LRP1: variants seen among roughly 807,000 people sequenced by gnomAD.
LRP1 encodes the protein prolow-density lipoprotein receptor-related protein 1.
Under a neutral mutation model 541.5 loss-of-function variants are expected in LRP1, and 51 were observed. That is an observed-to-expected ratio of 0.09 (90% CI 0.08 to 0.12). The LOEUF (loss-of-function observed/expected upper bound fraction) is 0.12. Among genes scored for constraint, LRP1 ranks in the 10% least tolerant of loss-of-function variants. The pLI, the probability that LRP1 is intolerant of heterozygous loss-of-function variation, is 1.00. For missense variants in LRP1, 3,878 were observed against 6,376.2 expected (o/e 0.61, Z 13.34); for synonymous variants, 2,219 against 2,470.8 (o/e 0.90, Z 3.02).
rs143015940 is a variant in LRP1, at chr12:57,138,514, C to T, written c.123C>T (p.Ile41=). ...QFACRDQITC[I]SKGWRCDGER... The stretch of plus-strand genomic sequence containing the variant: ...CCTGCAGAGATCAAATAACCTGTAT[C>T]TCAAAGGGCTGGCGGTGCGACGGTG... Residue 41 remains isoleucine (I), a synonymous_variant, in exon 2 of 89, where the codon ATC becomes ATT. Transcript: ENST00000243077. 4.8e-5 allele frequency: 77 copies of T among 1,613,974 alleles called. No homozygotes were observed. The African/African-American group carries it at 8.4e-4, about 18-fold the overall frequency.
chr12:57,149,693 G>A (rs920547874), intron 6 of LRP1: 1 of 735,668 alleles, frequency 1.4e-6, no homozygotes, highest in South Asian at 1.4e-5. Context: ...GGAGCAGGAA[G>A]AGAGCCCAGG....
In LRP1 at chr12:57,145,375, A is replaced by T. The variant is rs759749656; in HGVS notation, c.726A>T (p.Val242=). The part of the protein sequence containing the change: ...AMDFSYANET[V]CWVHVGDSAA... Reference sequence around the variant, plus strand: ...ACTTCAGCTATGCCAACGAGACCGTATGCTGGGTGCATGTTGGGGACAGTG... The same window carrying T: ...ACTTCAGCTATGCCAACGAGACCGTTTGCTGGGTGCATGTTGGGGACAGTG... Residue 242 remains valine, a synonymous_variant, in exon 6 of 89, where the codon GTA becomes GTT. Transcript: ENST00000243077. 9 of 1,614,168 alleles carry T rather than the reference A, an allele frequency of 5.6e-6. No homozygotes were observed. The highest frequency in any genetic ancestry group is 7.6e-6 in the Non-Finnish European group (9 of 1,180,022).
At chr12:57,169,026 G>C in intron 19 of LRP1, 114 bp from the exon 20 acceptor site, 1 of 825,320 alleles carries the variant, frequency 1.2e-6, no homozygotes, top group Non-Finnish European at 2.0e-6. Flanking sequence ...TTCCCAGTGG[G>C]GGGGTTAGGG....
chr12:57,171,718 G>A (rs905220009), intron 20 of LRP1, among the ~76,000 whole-genome samples: 3 of 152,084 alleles, frequency 2.0e-5, no homozygotes, highest in Admixed American at 6.6e-5. Flanking sequence ...TGAAAGTCCC[G>A]GCATGAGATG....
intron 4 of LRP1, chr12:57,144,763 T>G: frequency 1.7e-6 from 1 of 587,050 alleles, no homozygotes; most frequent in Non-Finnish European, 3.0e-6. Flanking sequence ...CGTGGATGAG[T>G]GATATGTACA....
At chr12:57,167,939 G>A (rs1259918387) in intron 19 of LRP1, among the ~76,000 whole-genome samples, 1 of 152,220 alleles carries the variant, frequency 6.6e-6, no homozygotes, top group Non-Finnish European at 1.5e-5. Context: ...CTGGCAGATA[G>A]CCATGGACCA....
At chr12:57,149,508 G>A in intron 6 of LRP1, 3 of 621,762 alleles carry the variant, frequency 4.8e-6, no homozygotes, top group South Asian at 1.9e-5. Flanking sequence ...AGTAACTTAA[G>A]CAAGAGAGAT....
chr12:57,209,834 C>T lies in LRP1; in HGVS notation c.12405C>T (p.Asp4135=), dbSNP rs200440566. The T allele has an allele frequency of 1.0e-4, 166 of 1,614,176 alleles. 2 individuals are homozygous for T. Among genetic ancestry groups the T allele is most frequent in the East Asian group, 8.9e-4 (40 of 44,874 alleles). Residue 4135 remains aspartate, a synonymous_variant, in exon 80 of 89, where the codon GAC becomes GAT. Transcript: ENST00000243077. The stretch of plus-strand genomic sequence containing the variant: ...CAGGGGGCCTGAGCCACGCCTCTGA[C>T]GTGGTCCTTTACCATCAGCACAAGC... ...NLTGGLSHAS[D]VVLYHQHKQP...
Position 57,178,293 on chromosome 12 carries a change from C to A in LRP1, c.4362-66C>A, listed in dbSNP as rs900143924. On this transcript the variant is annotated intron_variant, in intron 26 of 88. Coordinates refer to ENST00000243077, the MANE Select transcript of LRP1 (RefSeq NM_002332.3). The surrounding 1 kb of genome is among the most constrained non-coding windows in gnomAD (Gnocchi z 5.8). ...GTGGCCAGGGCCCAGAGGGTGGGCA[C>A]CTGGGCAGAGCTCTGAGGGCTGAGA... The A allele has an allele frequency of 7.7e-6, 12 of 1,563,816 alleles. No homozygotes were observed. In the African/African-American group the frequency reaches 1.6e-4, roughly 21 times the overall value.
chr12:57,195,793 C>T lies in LRP1; in HGVS notation c.8560+13C>T, dbSNP rs376331396. The T allele has an allele frequency of 1.4e-5, 23 of 1,614,028 alleles. No individual in the cohort carries two copies. Among genetic ancestry groups the T allele is most frequent in the Admixed American group, 1.7e-5 (1 of 60,006 alleles). ...TCCCCCGAGTGTGGTGAGCCTTCGG[C>T]GGTGGTGGGAGGAGGCCCTGCCCTC... On this transcript the variant is annotated intron_variant, in intron 53 of 88. Coordinates refer to ENST00000243077, the MANE Select transcript of LRP1 (RefSeq NM_002332.3).
intron 41 of LRP1, among the ~76,000 whole-genome samples, chr12:57,186,822 G>T (rs1378624344): frequency 6.6e-6 from 1 of 152,228 alleles, no homozygotes; most frequent in African/African-American, 2.4e-5. Flanking sequence ...CTGCTGTTCG[G>T]CTGTGTCTCT....
intron 1 of LRP1, among the ~76,000 whole-genome samples, chr12:57,131,468 T>G (rs2035038472): frequency 1.3e-5 from 2 of 152,110 alleles, no homozygotes; most frequent in Admixed American, 1.3e-4. Flanking sequence ...CCTCCCTCCC[T>G]TTTTCCTGAC....
chr12:57,185,926 G>A lies in LRP1; in HGVS notation c.6841+18G>A. ...TGTGGAAAGTGAGCCCAGACCCTAA[G>A]TCTTCCCAGGAAGTGGGACATGGGG... On this transcript the variant is annotated intron_variant, in intron 41 of 88. Coordinates refer to ENST00000243077, the MANE Select transcript of LRP1 (RefSeq NM_002332.3). The surrounding 1 kb of genome is among the most constrained non-coding windows in gnomAD (Gnocchi z 4.9). 6.2e-7 allele frequency: 1 copy of A among 1,602,410 alleles called. No homozygotes were observed. Among genetic ancestry groups the A allele is most frequent in the Non-Finnish European group, 8.5e-7 (1 of 1,172,736 alleles).
chr12:57,198,787 C>G, intron 60 of LRP1, 117 bp downstream of exon 60: 1 of 1,002,328 alleles, frequency 1.0e-6, no homozygotes, highest in South Asian at 1.5e-5. Flanking sequence ...AGGATATGGC[C>G]TGAGGACACC....
At chr12:57,137,425 C>A (rs930785655) in intron 1 of LRP1, among the ~76,000 whole-genome samples, 1 of 152,072 alleles carries the variant, frequency 6.6e-6, no homozygotes, top group African/African-American at 2.4e-5. Flanking sequence ...GAGTTCATTT[C>A]AGCCATCCCC....
intron 1 of LRP1, among the ~76,000 whole-genome samples, chr12:57,134,988 A>C (rs983150177): frequency 6.6e-6 from 1 of 152,174 alleles, no homozygotes; most frequent in Non-Finnish European, 1.5e-5. Flanking sequence ...TACAGGCATG[A>C]GCCACCATGC....
In LRP1 at chr12:57,201,110, T is replaced by C; in HGVS notation, c.10302T>C (p.Asn3434=). The change falls in exon 65 of 89, where the codon AAT becomes AAC. Residue 3434 remains asparagine (N), a synonymous_variant. Transcript: ENST00000243077. This position sits in a 1 kb window ranked among gnomAD's most constrained non-coding sequence, Gnocchi z 6.4. ...GTATTCCCGGCATCTTCCGCTGCAATGGGCAGGACAACTGCGGAGATGGGG... is the reference window on the plus strand; with the variant it reads ...GTATTCCCGGCATCTTCCGCTGCAACGGGCAGGACAACTGCGGAGATGGGG... ...NRCIPGIFRC[N]GQDNCGDGED... The C allele has an allele frequency of 1.9e-6, 3 of 1,613,836 alleles. No individual in the cohort carries two copies. The highest frequency in any genetic ancestry group is 2.2e-5 in the South Asian group (2 of 91,052).
chr12:57,205,547 G>T lies in LRP1; in HGVS notation c.11471-11G>T. 1 of 1,614,002 alleles carries T rather than the reference G, an allele frequency of 6.2e-7. No homozygotes were observed. The highest frequency in any genetic ancestry group is 8.5e-7 in the Non-Finnish European group (1 of 1,180,016). On this transcript the variant is annotated splice_polypyrimidine_tract_variant and intron_variant, in intron 74 of 88. Coordinates refer to ENST00000243077, the MANE Select transcript of LRP1 (RefSeq NM_002332.3). This position sits in a 1 kb window ranked among gnomAD's most constrained non-coding sequence, Gnocchi z 4.6. Reference sequence around the variant, plus strand: ...ACTGTGGACTCTCATGACCCTCCCTGTAACCCTTAGACATCAACGAGTGCC... The same window carrying T: ...ACTGTGGACTCTCATGACCCTCCCTTTAACCCTTAGACATCAACGAGTGCC...
At chr12:57,171,146 G>T (rs969586252) in intron 20 of LRP1, among the ~76,000 whole-genome samples, 1 of 152,160 alleles carries the variant, frequency 6.6e-6, no homozygotes, top group Non-Finnish European at 1.5e-5. Flanking sequence ...GCTCCCTGCC[G>T]CTCCCAGATA....
Sources: gnomAD v4.1 joint callset for allele counts (sites outside exome capture counted in the v4.1 genomes callset) on GRCh38, gnomAD v4.1.1 for gene constraint, Gnocchi (gnomAD v3.1) non-coding constraint, MANE v1.5 for transcripts, NCBI Gene and HGNC (gene_info 2026-07-23, HGNC 2026-07-21) for gene names.